PPM1B: variants seen among roughly 807,000 people sequenced by gnomAD.
The protein encoded by PPM1B is protein phosphatase 1B.
Under a neutral mutation model 43.0 loss-of-function variants are expected in PPM1B, and 22 were observed. That is an observed-to-expected ratio of 0.51 (90% CI 0.37 to 0.73). PPM1B has a LOEUF of 0.73. Ranked by LOEUF, PPM1B falls within the 30% of genes least tolerant of loss-of-function variation. The probability of loss-of-function intolerance (pLI) is 0.00; values close to 1 mark genes in which losing one functional copy is unlikely to be tolerated. For synonymous variants in PPM1B, 217 were observed against 197.9 expected, an observed-to-expected ratio of 1.10 and a Z score of -0.81; for missense variants, 632 against 584.2, an observed-to-expected ratio of 1.08 and a Z score of -0.84.
chr2:44,225,617 T>G (rs879696117), intron 5 of PPM1B, among the ~76,000 whole-genome samples: 7 of 152,212 alleles, frequency 4.6e-5, no homozygotes, highest in Non-Finnish European at 8.8e-5. Flanking sequence ...AATCCGTGTC[T>G]ACTTGATTTA....
chr2:44,189,539 C>T (rs572280948), intron 1 of PPM1B, among the ~76,000 whole-genome samples: 184 of 152,328 alleles, frequency 1.2e-3, no homozygotes, highest in African/African-American at 4.2e-3. Context: ...TCTCAGCTCA[C>T]TGCAACCTCT....
intron 3 of PPM1B, among the ~76,000 whole-genome samples, chr2:44,209,609 C>G (rs1299243477): frequency 6.6e-6 from 1 of 152,052 alleles, no homozygotes; most frequent in Non-Finnish European, 1.5e-5. Context: ...AACCCCGTCT[C>G]TGCTAAAAAT....
downstream of PPM1B, chr2:44,234,449 G>T: frequency 1.5e-6 from 1 of 685,126 alleles, no homozygotes; most frequent in Non-Finnish European, 1.8e-6. Flanking sequence ...AACCCAGGAG[G>T]CGGAGGTTGC....
chr2:44,242,240 C>G (rs573725960), intron 5 of PPM1B, among the ~76,000 whole-genome samples: 1 of 151,434 alleles, frequency 6.6e-6, no homozygotes, highest in African/African-American at 2.4e-5. Flanking sequence ...AAGAATGGTA[C>G]GTAAAATAAT....
chr2:44,216,955 A>G (rs531765179), intron 3 of PPM1B, among the ~76,000 whole-genome samples: 3 of 152,100 alleles, frequency 2.0e-5, no homozygotes, highest in Admixed American at 6.6e-5. Context: ...TAGAGTGAAA[A>G]GTGTTCCCAA....
chr2:44,209,270 G>C lies in PPM1B; in HGVS notation c.907G>C (p.Asp303His), dbSNP rs1194218371. 7 of 1,614,008 alleles carry C rather than the reference G, an allele frequency of 4.3e-6. No homozygotes were observed. The highest frequency in any genetic ancestry group is 5.9e-6 in the Non-Finnish European group (7 of 1,179,932). Reference protein sequence around the residue: ...VCFSNAPKVSDEAVKKDSELD... With the variant: ...VCFSNAPKVSHEAVKKDSELD... The stretch of plus-strand genomic sequence containing the variant: ...CTTTTCAAATGCTCCCAAGGTCTCA[G>C]ATGAAGCGGTGAAAAAAGATTCAGA... The change falls in exon 3 of 6, where the codon GAT (aspartate) becomes CAT (histidine). Residue 303 changes from aspartate (D) to histidine (H), a missense_variant. By Grantham distance (81) the Asp-to-His change is moderately conservative. Around this residue, in one of 3 missense-constraint regions of PPM1B, gnomAD observed 392 missense variants for 302.7 expected, o/e 1.29. Transcript: ENST00000282412.
At chr2:44,204,183 C>G (rs141733952) in intron 2 of PPM1B, among the ~76,000 whole-genome samples, 19 of 152,260 alleles carry the variant, frequency 1.2e-4, no homozygotes, top group African/African-American at 4.3e-4. Context: ...TATTTTTGAA[C>G]CTTTGAAAGT....
intron 1 of PPM1B, among the ~76,000 whole-genome samples, chr2:44,199,478 C>A (rs1668829974): frequency 6.6e-6 from 1 of 151,926 alleles, no homozygotes; most frequent in Non-Finnish European, 1.5e-5. Flanking sequence ...CCCCTCACCC[C>A]CCAAAAAAGA....
intron 1 of PPM1B, among the ~76,000 whole-genome samples, chr2:44,194,843 C>G (rs1324616013): frequency 6.6e-6 from 1 of 151,670 alleles, no homozygotes; most frequent in Non-Finnish European, 1.5e-5. Flanking sequence ...TCTGCTGTCT[C>G]TAAACCCAGA....
At chr2:44,184,783 T>G (rs1668044772) in intron 1 of PPM1B, among the ~76,000 whole-genome samples, 1 of 152,074 alleles carries the variant, frequency 6.6e-6, no homozygotes. Context: ...GAATCATGTT[T>G]TTATTTTCAC....
chr2:44,221,364 CAGA>C (rs1669969735), intron 5 of PPM1B, among the ~76,000 whole-genome samples: 1 of 152,068 alleles, frequency 6.6e-6, no homozygotes, highest in African/African-American at 2.4e-5. Context: ...AAAAATACCG[CAGA>C]AGGAGAGAGA....
chr2:44,208,882 C>A (rs1389082490), intron 2 of PPM1B, among the ~76,000 whole-genome samples: 2 of 152,070 alleles, frequency 1.3e-5, no homozygotes, highest in African/African-American at 4.8e-5. Context: ...TGGACTTAAG[C>A]CAGTTTGGGA....
chr2:44,241,549 T>C (rs556708623), intron 5 of PPM1B, among the ~76,000 whole-genome samples: 1 of 142,706 alleles, frequency 7.0e-6, no homozygotes, highest in South Asian at 2.5e-4. Flanking sequence ...CTGGCCAGCA[T>C]GGTGAAACCC....
chr2:44,199,224 C>T (rs1220947382), intron 1 of PPM1B, among the ~76,000 whole-genome samples: 1 of 141,426 alleles, frequency 7.1e-6, no homozygotes, highest in Admixed American at 7.2e-5. Context: ...TGCCGTTGCA[C>T]TCCAGCCTGG....
At position 44,214,722 on chromosome 2, in the gene PPM1B, G is replaced by T. The variant is rs77930549; in HGVS notation, c.965-3245G>T. On this transcript the variant is annotated intron_variant, in intron 3 of 5. Transcript: ENST00000282412. ...AGTGGTCCTATATCAAGTGTGTGGG[G>T]GTTTTCAGTAAACTGACTGAGCAGG... Among the ~76,000 whole-genome samples the T allele has an allele frequency of 7.3e-3, 1,117 of 151,994 alleles. 10 individuals are homozygous for T. The highest frequency in any genetic ancestry group is 0.026 in the African/African-American group (1,059 of 41,458).
At chr2:44,169,348 A>T (rs1322494374) in intron 1 of PPM1B, 74 bp downstream of exon 1, 2 of 152,406 alleles carry the variant, frequency 1.3e-5, no homozygotes, top group East Asian at 3.9e-4. Context: ...GGCCCTGGGC[A>T]GGTTTTCGCG....
chr2:44,198,987 G>T (rs1668792703), intron 1 of PPM1B, among the ~76,000 whole-genome samples: 1 of 152,246 alleles, frequency 6.6e-6, no homozygotes. Context: ...GGCCGGGCGT[G>T]GTGGCTCATG....
At chr2:44,226,932 T>TTTATTTATTTA (rs1553336995) in intron 5 of PPM1B, among the ~76,000 whole-genome samples, 2 of 135,028 alleles carry the variant, frequency 1.5e-5, no homozygotes, top group Admixed American at 1.5e-4. Context: ...ATGGGAAACT[T>TTTATTTATTTA]TTTATTTATT....
downstream of PPM1B, among the ~76,000 whole-genome samples, chr2:44,246,342 A>C (rs1266708031): frequency 6.6e-6 from 1 of 152,038 alleles, no homozygotes; most frequent in Non-Finnish European, 1.5e-5. Flanking sequence ...CAGGACCTTT[A>C]TTTGTTCCTA....
Sources: gnomAD v4.1 joint callset for allele counts (sites outside exome capture counted in the v4.1 genomes callset) on GRCh38, gnomAD v4.1.1 for gene constraint, gnomAD v4.1.1 regional missense constraint, MANE v1.5 for transcripts, NCBI Gene and HGNC (gene_info 2026-07-23, HGNC 2026-07-21) for gene names.